The following PEAK1 variants were observed in gnomAD, a reference collection of about 807,000 sequenced individuals.
The protein encoded by PEAK1 is pseudopodium enriched atypical kinase 1, also known as inactive tyrosine-protein kinase PEAK1.
Under a neutral mutation model 124.7 loss-of-function variants are expected in PEAK1, and 54 were observed. The ratio of observed to expected loss-of-function variants is 0.43; its 90% CI spans 0.35 to 0.54. The LOEUF (loss-of-function observed/expected upper bound fraction) is 0.54, where lower values mean the gene tolerates loss of function less well. PEAK1 is among the 20% of genes least tolerant of loss of function. The probability of loss-of-function intolerance (pLI) is 0.01; values close to 1 mark genes in which losing one functional copy is unlikely to be tolerated. For synonymous variants in PEAK1, 719 were observed against 760.0 expected (o/e 0.95, Z 0.89); for missense variants, 2,046 against 2,134.5 (o/e 0.96, Z 0.82).
chr15:77,327,546 A>G (rs944236743), intron 2 of PEAK1, among the ~76,000 whole-genome samples: 4 of 152,122 alleles, frequency 2.6e-5, no homozygotes, highest in African/African-American at 7.2e-5. Flanking sequence ...TATATATGAC[A>G]AAAGATCAAT....
At chr15:77,217,552 T>C (rs1004097007) in intron 6 of PEAK1, among the ~76,000 whole-genome samples, 4 of 152,140 alleles carry the variant, frequency 2.6e-5, no homozygotes, top group Admixed American at 1.3e-4. Flanking sequence ...AAGAGCAATG[T>C]TTTGACAGTT....
chr15:77,274,956 G>A (rs113150077), intron 5 of PEAK1, among the ~76,000 whole-genome samples: 3,389 of 152,140 alleles, frequency 0.022, 63 homozygotes, highest in Non-Finnish European at 0.035. Flanking sequence ...AAAATGTGGC[G>A]TATATATACC....
chr15:77,208,587 A>G (rs1208574437), intron 6 of PEAK1, among the ~76,000 whole-genome samples: 1 of 152,206 alleles, frequency 6.6e-6, no homozygotes, highest in Non-Finnish European at 1.5e-5. Flanking sequence ...CAATGCTTAC[A>G]TTAACTAGAA....
intron 2 of PEAK1, chr15:77,334,997 T>C (rs2066110812): frequency 4.1e-6 from 4 of 985,198 alleles, no homozygotes; most frequent in Admixed American, 6.2e-5. Context: ...CTGAACAGGG[T>C]TTGAGGCAGG....
intron 1 of PEAK1, among the ~76,000 whole-genome samples, chr15:77,414,386 T>A (rs1160044642): frequency 3.9e-5 from 5 of 128,442 alleles, no homozygotes; most frequent in African/African-American, 6.4e-5. Flanking sequence ...ATTTTTTGTA[T>A]TTTTTTTTTT....
At position 77,306,983 on chromosome 15, in the gene PEAK1, A is replaced by G. The variant is rs78215100; in HGVS notation, c.-602-20479T>C. 5.0e-3 allele frequency among the ~76,000 whole-genome samples: 764 copies of G among 152,260 alleles called. 4 individuals carry two copies. The highest frequency in any genetic ancestry group is 0.016 in the African/African-American group (661 of 41,584). On this transcript the variant is annotated intron_variant, in intron 2 of 9. Transcript: ENST00000682557. ...GAACCTTCTCAATTAAAGGTTCCATATGTTTTACCTAAATAAGTTATTGCC... is the reference window on the plus strand; with the variant it reads ...GAACCTTCTCAATTAAAGGTTCCATGTGTTTTACCTAAATAAGTTATTGCC...
rs377534094 is a variant in PEAK1, at chr15:77,133,199, T to C, written c.3883A>G (p.Thr1295Ala). 8 of 1,614,118 alleles carry C rather than the reference T, an allele frequency of 5.0e-6. No homozygotes were observed. The African/African-American group carries it at 8.0e-5, about 16-fold the overall frequency. Residue 1295 changes from threonine to alanine, a missense_variant, in exon 9 of 10, where the codon ACA becomes GCA. By Grantham distance (58) the Thr-to-Ala change is moderately conservative. Transcript: ENST00000682557. This position sits in a 1 kb window ranked among gnomAD's most constrained non-coding sequence, Gnocchi z 4.2. ...ACAGCCAGTTTCTTCAAGGCATCTG[T>C]ATGAAGGCTTCGGATTTTACCCACT... ...EVVGKIRSLH[T>A]DALKKLAVKC...
Position 77,331,591 on chromosome 15 carries a change from G to C in PEAK1, c.-603+33572C>G, listed in dbSNP as rs114420219. ...CAATTGTTGGATCAAAAAGTATTTA[G>C]ATCATGAATGCTTTTATTTATTTAT... On this transcript the variant is annotated intron_variant, in intron 2 of 9. Coordinates refer to ENST00000682557, the MANE Select transcript of PEAK1 (RefSeq NM_001385026.1). Among the ~76,000 whole-genome samples the C allele has an allele frequency of 3.9e-3, 590 of 152,092 alleles. 4 individuals are homozygous for C. The highest frequency in any genetic ancestry group is 0.014 in the African/African-American group (565 of 41,522).
chr15:77,260,097 T>C (rs928092586), intron 5 of PEAK1, among the ~76,000 whole-genome samples: 1 of 152,048 alleles, frequency 6.6e-6, no homozygotes, highest in African/African-American at 2.4e-5. Flanking sequence ...GGACCAAGAA[T>C]TCAACAAGCT....
At chr15:77,304,839 G>A (rs915412036) in intron 2 of PEAK1, among the ~76,000 whole-genome samples, 1 of 152,004 alleles carries the variant, frequency 6.6e-6, no homozygotes, top group African/African-American at 2.4e-5. Flanking sequence ...AAAAGTTTTA[G>A]AACAACTTTC....
intron 2 of PEAK1, among the ~76,000 whole-genome samples, chr15:77,323,187 G>A (rs903493074): frequency 4.6e-5 from 7 of 152,154 alleles, no homozygotes; most frequent in African/African-American, 1.7e-4. Context: ...TACTGAATGG[G>A]CAAAAACTGG....
At chr15:77,143,204 A>G (rs941364382) in intron 8 of PEAK1, among the ~76,000 whole-genome samples, 1 of 152,182 alleles carries the variant, frequency 6.6e-6, no homozygotes, top group African/African-American at 2.4e-5. Context: ...TATTTACAAG[A>G]CAACAGAAGT....
At chr15:77,310,887 C>T (rs2064396595) in intron 2 of PEAK1, among the ~76,000 whole-genome samples, 1 of 152,152 alleles carries the variant, frequency 6.6e-6, no homozygotes, top group Admixed American at 6.5e-5. Context: ...GTTTAAAGAA[C>T]TAAACAAACA....
intron 6 of PEAK1, among the ~76,000 whole-genome samples, chr15:77,245,088 T>C (rs900414117): frequency 6.6e-6 from 1 of 152,212 alleles, no homozygotes; most frequent in African/African-American, 2.4e-5. Context: ...CTTCCCCTAC[T>C]TCTACAAAGT....
At chr15:77,216,054 A>G (rs2059136374) in intron 6 of PEAK1, among the ~76,000 whole-genome samples, 1 of 152,210 alleles carries the variant, frequency 6.6e-6, no homozygotes, top group African/African-American at 2.4e-5. Flanking sequence ...ATATAAATCT[A>G]AAAACAGCTT....
intron 6 of PEAK1, among the ~76,000 whole-genome samples, chr15:77,231,110 C>T (rs1434953633): frequency 1.3e-5 from 2 of 151,892 alleles, no homozygotes; most frequent in Non-Finnish European, 1.5e-5. Flanking sequence ...AATCCAAAGG[C>T]ATCTAATAAT....
chr15:77,338,542 ATTC>A (rs1447179765), intron 2 of PEAK1, among the ~76,000 whole-genome samples: 1 of 152,072 alleles, frequency 6.6e-6, no homozygotes, highest in Non-Finnish European at 1.5e-5. Flanking sequence ...TCTGTTGAGT[ATTC>A]TTAACAGACT....
At chr15:77,245,212 G>T (rs557243612) in intron 6 of PEAK1, among the ~76,000 whole-genome samples, 2 of 152,196 alleles carry the variant, frequency 1.3e-5, no homozygotes, top group South Asian at 4.1e-4. Context: ...CCTATTACCT[G>T]GGCATGGTGG....
In PEAK1 at chr15:77,332,293, T is replaced by C. The variant is rs1050978755; in HGVS notation, c.-603+32870A>G. On this transcript the variant is annotated intron_variant, in intron 2 of 9. Coordinates refer to ENST00000682557, the MANE Select transcript of PEAK1 (RefSeq NM_001385026.1). ...AACAGGAATACCTGGTCACCATATA[T>C]TTTTTGTTTGTTGAAAAATTTTTTG... 1.3e-5 allele frequency: 13 copies of C among 984,650 alleles called. No homozygotes were observed. In the East Asian group the frequency reaches 1.1e-3, roughly 86 times the overall value. The allele number at this position is 984,650 out of a possible 1,614,324, so 61.0% of individuals were successfully genotyped here. A position where few individuals can be genotyped will look rare whatever the true frequency, so the allele number is the denominator to read the frequency against.
Sources: allele counts gnomAD v4.1 joint callset (sites outside exome capture counted in the v4.1 genomes callset), GRCh38; gene constraint gnomAD v4.1.1; non-coding constraint Gnocchi (gnomAD v3.1); transcripts MANE v1.5; gene names NCBI Gene and HGNC (gene_info 2026-07-23, HGNC 2026-07-21).